The following HSD17B12 variants were observed in gnomAD, a reference collection of about 807,000 sequenced individuals.
HSD17B12 encodes hydroxysteroid 17-beta dehydrogenase 12, also known as very-long-chain 3-oxoacyl-CoA reductase.
In HSD17B12, 32 loss-of-function variants were observed where a neutral mutation model predicts 39.3. That is an observed-to-expected ratio of 0.81 (90% CI 0.61 to 1.09). The LOEUF (loss-of-function observed/expected upper bound fraction) is 1.09, where lower values mean the gene tolerates loss of function less well. Ranked by LOEUF, HSD17B12 falls within the 50% of genes least tolerant of loss-of-function variation. HSD17B12 has a pLI of 0.00. For synonymous variants in HSD17B12, 150 were observed against 146.7 expected, an observed-to-expected ratio of 1.02 and a Z score of -0.16; for missense variants, 342 against 382.9, an observed-to-expected ratio of 0.89 and a Z score of 0.89.
chr11:43,598,226 A>G, the HSD17B12 span, among the ~76,000 whole-genome samples: 1 of 152,102 alleles, frequency 6.6e-6, no homozygotes, highest in Non-Finnish European at 1.5e-5. Context: ...ATTCTTTGCA[A>G]CTGCTTCCCC....
At chr11:43,840,224 G>C (rs189141229) in intron 9 of HSD17B12, among the ~76,000 whole-genome samples, 160 bp downstream of exon 9, 1 of 152,050 alleles carries the variant, frequency 6.6e-6, no homozygotes, top group Admixed American at 6.6e-5. Flanking sequence ...TAATGCACTT[G>C]TCTAGATTTT....
intron 7 of HSD17B12, 86 bp from the exon 8 acceptor site, chr11:43,838,231 G>A (rs561168725): frequency 1.6e-4 from 149 of 923,916 alleles, no homozygotes; most frequent in East Asian, 6.0e-4. Context: ...ATTCTGTTTC[G>A]AATAATTATA....
At chr11:43,834,658 A>AT (rs1006422779) in intron 7 of HSD17B12, among the ~76,000 whole-genome samples, 4 of 151,504 alleles carry the variant, frequency 2.6e-5, no homozygotes, top group African/African-American at 4.8e-5. Context: ...AGGCTTGGCA[A>AT]TTTTTTTTTA....
intron 1 of HSD17B12, chr11:43,734,042 C>G (rs954684593): frequency 6.4e-6 from 5 of 783,366 alleles, no homozygotes. Context: ...GGATCCTCTT[C>G]CGGCCTATCG....
chr11:43,764,477 G>T (rs888760701), intron 3 of HSD17B12, among the ~76,000 whole-genome samples: 9 of 152,128 alleles, frequency 5.9e-5, no homozygotes, highest in Non-Finnish European at 1.0e-4. Context: ...TTGATGGGCA[G>T]TATTGTTCAC....
the HSD17B12 span, among the ~76,000 whole-genome samples, chr11:43,571,287 T>C: frequency 1.3e-5 from 2 of 152,232 alleles, no homozygotes; most frequent in African/African-American, 2.4e-5. Context: ...TGCAGATTGT[T>C]CTTTTCTCTC....
rs1951533759 is a variant in HSD17B12 at position 43,851,746 on chromosome 11, T to C, written c.685-2969T>C. Among the ~76,000 whole-genome samples the C allele has an allele frequency of 2.0e-5, 3 of 152,208 alleles. No homozygotes were observed. In the South Asian group the frequency reaches 6.2e-4, roughly 32 times the overall value. ...ATGTACCAAGTACTGTTCTAAAACA[T>C]TAAAATATATGAATATGACCAAGCC... On this transcript the variant is annotated intron_variant, in intron 9 of 10. Coordinates refer to ENST00000278353, the MANE Select transcript of HSD17B12 (RefSeq NM_016142.3).
chr11:43,845,392 C>T lies in HSD17B12; in HGVS notation c.684+5328C>T, dbSNP rs141474205. On this transcript the variant is annotated intron_variant, in intron 9 of 10. Coordinates refer to ENST00000278353, the MANE Select transcript of HSD17B12 (RefSeq NM_016142.3). ...TATTTGTGCCCAATTTTTGATCTTA[C>T]AATATTCTTTATCCTCTCCTCTTCC... 7.2e-3 allele frequency among the ~76,000 whole-genome samples: 1,089 copies of T among 152,290 alleles called. 15 individuals carry two copies. Among genetic ancestry groups the T allele is most frequent in the African/African-American group, 0.025 (1,024 of 41,548 alleles).
Position 43,723,203 on chromosome 11 carries a change from C to T in HSD17B12, c.161-27708C>T, listed in dbSNP as rs7930360. Reference sequence around the variant, plus strand: ...AATTGAAATCACTATTTAGCTAAGACCAGAATCGTAACATAAGGCAAGATT... The same window carrying T: ...AATTGAAATCACTATTTAGCTAAGATCAGAATCGTAACATAAGGCAAGATT... On this transcript the variant is annotated intron_variant, in intron 1 of 10. Transcript: ENST00000278353. Among the ~76,000 whole-genome samples, 1,110 of 152,128 alleles carry T rather than the reference C, an allele frequency of 7.3e-3. 9 individuals are homozygous for T. The highest frequency in any genetic ancestry group is 0.012 in the Non-Finnish European group (808 of 68,002).
At chr11:43,748,134 A>C (rs1271207962) in intron 1 of HSD17B12, among the ~76,000 whole-genome samples, 1 of 152,164 alleles carries the variant, frequency 6.6e-6, no homozygotes, top group Non-Finnish European at 1.5e-5. Flanking sequence ...CTCTAAAAAC[A>C]GTCGGGAGAT....
intron 4 of HSD17B12, among the ~76,000 whole-genome samples, chr11:43,809,521 A>T (rs149529221): frequency 1.6e-3 from 251 of 152,284 alleles, no homozygotes; most frequent in African/African-American, 5.8e-3. Context: ...AGCATTTTTT[A>T]AAATCTCCTT....
chr11:43,648,667 T>C, the HSD17B12 span, among the ~76,000 whole-genome samples: 1 of 152,242 alleles, frequency 6.6e-6, no homozygotes, highest in African/African-American at 2.4e-5. Context: ...TTTTATTTAG[T>C]AAACCACTTT....
chr11:43,625,740 C>G, the HSD17B12 span, among the ~76,000 whole-genome samples: 1 of 151,314 alleles, frequency 6.6e-6, no homozygotes, highest in Non-Finnish European at 1.5e-5. Flanking sequence ...CTCTTGATAT[C>G]TGGGTCTATA....
In HSD17B12 at chr11:43,768,122, C is replaced by T. The variant is rs117791025; in HGVS notation, c.283+14001C>T. ...TCTTTGACTTCTTGTGCTGTGTTCTCCGTGACTCCATGCTTTTAAGTGTAC... is the reference window on the plus strand; with the variant it reads ...TCTTTGACTTCTTGTGCTGTGTTCTTCGTGACTCCATGCTTTTAAGTGTAC... On this transcript the variant is annotated intron_variant, in intron 3 of 10. Transcript: ENST00000278353. Among the ~76,000 whole-genome samples, 206 of 152,278 alleles carry T rather than the reference C, an allele frequency of 1.4e-3. 3 individuals carry two copies. The East Asian group carries it at 0.036, about 27-fold the overall frequency.
At chr11:43,825,377 A>T (rs1438140537) in intron 6 of HSD17B12, among the ~76,000 whole-genome samples, 1 of 152,168 alleles carries the variant, frequency 6.6e-6, no homozygotes, top group Non-Finnish European at 1.5e-5. Context: ...GCACGGAAAC[A>T]TTTGTTTTTC....
In HSD17B12 at chr11:43,797,501, A is replaced by G. The variant is rs532065669; in HGVS notation, c.284-819A>G. 1.5e-4 allele frequency among the ~76,000 whole-genome samples: 23 copies of G among 152,294 alleles called. No individual in the cohort carries two copies. In the South Asian group the frequency reaches 4.6e-3, roughly 30 times the overall value. ...CAAAGGATGGTGAGGCTCAAAGAGG[A>G]TGTGTGACTTGCTTAAAGTCATTTT... On this transcript the variant is annotated intron_variant, in intron 3 of 10. Coordinates refer to ENST00000278353, the MANE Select transcript of HSD17B12 (RefSeq NM_016142.3).
intron 1 of HSD17B12, among the ~76,000 whole-genome samples, chr11:43,725,701 A>T (rs770080391): frequency 3.9e-5 from 6 of 152,214 alleles, no homozygotes; most frequent in Non-Finnish European, 7.3e-5. Flanking sequence ...AGACAAAAAT[A>T]AACAAAACAA....
At chr11:43,607,344 G>A in the HSD17B12 span, among the ~76,000 whole-genome samples, 1 of 151,278 alleles carries the variant, frequency 6.6e-6, no homozygotes, top group African/African-American at 2.4e-5. Context: ...TGGTATAAAT[G>A]CCCGAGAACC....
At chr11:43,796,173 G>A (rs1040676543) in intron 3 of HSD17B12, among the ~76,000 whole-genome samples, 3 of 152,170 alleles carry the variant, frequency 2.0e-5, no homozygotes, top group Non-Finnish European at 4.4e-5. Context: ...TTATTAGGCT[G>A]TTGCCACAGC....
Sources: gnomAD v4.1 joint callset for allele counts (sites outside exome capture counted in the v4.1 genomes callset) on GRCh38, gnomAD v4.1.1 for gene constraint, MANE v1.5 for transcripts, NCBI Gene and HGNC (gene_info 2026-07-23, HGNC 2026-07-21) for gene names.